The following DNAH8 variants were observed in gnomAD, a reference collection of about 807,000 sequenced individuals.
DNAH8 encodes the protein dynein axonemal heavy chain 8, also known as axonemal beta dynein heavy chain 8.
DNAH8 carries 382 observed loss-of-function variants against 562.1 expected under a neutral mutation model. That is an observed-to-expected ratio of 0.68 (90% CI 0.63 to 0.74). The LOEUF is 0.74. Ranked by LOEUF, DNAH8 falls within the 30% of genes least tolerant of loss-of-function variation. The pLI, the probability that DNAH8 is intolerant of heterozygous loss-of-function variation, is 0.00. For synonymous variants in DNAH8, 1,881 were observed against 1,919.4 expected (o/e 0.98, Z 0.52); for missense variants, 5,203 against 5,620.4 (o/e 0.93, Z 2.37).
chr6:38,798,377 T>G (rs893337391), intron 21 of DNAH8, among the ~76,000 whole-genome samples: 3 of 152,244 alleles, frequency 2.0e-5, no homozygotes, highest in Non-Finnish European at 2.9e-5. Flanking sequence ...AGGCACTTCT[T>G]TAGTATTCAG....
At position 38,722,929 on chromosome 6, in the gene DNAH8, G is replaced by C. The variant is rs1248099376; in HGVS notation, c.120G>C (p.Glu40Asp). 6.2e-7 allele frequency: 1 copy of C among 1,612,412 alleles called. No homozygotes were observed. Among genetic ancestry groups the C allele is most frequent in the East Asian group, 2.2e-5 (1 of 44,890 alleles). The change falls in exon 2 of 93, where the codon GAG (glutamate) becomes GAC (aspartate). Residue 40 changes from glutamate (E) to aspartate (D), a missense_variant. This residue lies in a region of DNAH8 where 556 missense variants were observed against 496.9 expected (regional missense o/e 1.12). Transcript: ENST00000327475. Reference protein sequence around the residue: ...EEEAPRPPTVEAPAEDGFSPS... With the variant: ...EEEAPRPPTVDAPAEDGFSPS... Reference sequence around the variant, plus strand: ...AGGCCCCGCGCCCTCCGACAGTGGAGGCCCCGGCAGAAGATGGTTTCTCTC... The same window carrying C: ...AGGCCCCGCGCCCTCCGACAGTGGACGCCCCGGCAGAAGATGGTTTCTCTC...
intron 53 of DNAH8, among the ~76,000 whole-genome samples, chr6:38,882,447 G>A (rs1778567874): frequency 6.6e-6 from 1 of 152,076 alleles, no homozygotes; most frequent in African/African-American, 2.4e-5. Context: ...ATCCTAAGCA[G>A]ACTAACTCAG....
In DNAH8 at chr6:38,957,087, G is replaced by C. The variant is rs192905064; in HGVS notation, c.12451+5567G>C. Among the ~76,000 whole-genome samples, 4 of 152,146 alleles carry C rather than the reference G, an allele frequency of 2.6e-5. No homozygotes were observed. In the East Asian group the frequency reaches 7.7e-4, roughly 29 times the overall value. ...TACACACAGACTGAAAATGAAGGATGGAAAAGATATTCTATGCAAATGGGC... is the reference window on the plus strand; with the variant it reads ...TACACACAGACTGAAAATGAAGGATCGAAAAGATATTCTATGCAAATGGGC... On this transcript the variant is annotated intron_variant, in intron 82 of 92. Coordinates refer to ENST00000327475, the MANE Select transcript of DNAH8 (RefSeq NM_001206927.2).
chr6:38,866,848 A>G lies in DNAH8; in HGVS notation c.6665A>G (p.Lys2222Arg). ...GCTCAAAAATTTTACGTTCTTTACA[A>G]ACTCTGTGAAGAGCAACTTACTAAA... ...ILAQKFYVLYKLCEEQLTKQV... is the reference protein window; with the variant it reads ...ILAQKFYVLYRLCEEQLTKQV... Residue 2222 changes from lysine (K) to arginine (R), a missense_variant, in exon 47 of 93, where the codon AAA (lysine) becomes AGA (arginine). By Grantham distance (26) the Lys-to-Arg change is conservative. Coordinates refer to ENST00000327475, the MANE Select transcript of DNAH8 (RefSeq NM_001206927.2). 6.2e-7 allele frequency: 1 copy of G among 1,610,278 alleles called. No homozygotes were observed. The highest frequency in any genetic ancestry group is 8.5e-7 in the Non-Finnish European group (1 of 1,177,046).
At position 38,727,153 on chromosome 6, in the gene DNAH8, G is replaced by C. The variant is rs182931717; in HGVS notation, c.526-2749G>C. Among the ~76,000 whole-genome samples, 9 of 152,150 alleles carry C rather than the reference G, an allele frequency of 5.9e-5. No homozygotes were observed. The East Asian group carries it at 1.7e-3, about 29-fold the overall frequency. On this transcript the variant is annotated intron_variant, in intron 3 of 92. Transcript: ENST00000327475. ...GATTACAGGTGTGGGCCACCGTGCT[G>C]GGCCTGGAAAAGTATTCTTTTAATG...
At chr6:38,947,461 A>G (rs921858135) in intron 80 of DNAH8, among the ~76,000 whole-genome samples, 1 of 152,356 alleles carries the variant, frequency 6.6e-6, no homozygotes. Context: ...GCTGGAAGTC[A>G]TCTTATCACC....
chr6:38,909,449 G>A (rs536109922), intron 64 of DNAH8, 69 bp from the exon 65 acceptor site: 66 of 1,443,250 alleles, frequency 4.6e-5, no homozygotes, highest in Non-Finnish European at 5.6e-5. Context: ...GTCAGATTGC[G>A]TAAATCTCTC....
intron 26 of DNAH8, among the ~76,000 whole-genome samples, chr6:38,818,415 A>C (rs540677904): frequency 8.1e-4 from 124 of 152,160 alleles, no homozygotes; most frequent in South Asian, 3.5e-3. Context: ...TTATCAACCA[A>C]GTACGATGTA....
chr6:38,792,928 A>G (rs947047236), intron 21 of DNAH8, among the ~76,000 whole-genome samples: 1 of 151,946 alleles, frequency 6.6e-6, no homozygotes, highest in Non-Finnish European at 1.5e-5. Flanking sequence ...ACAGGTGCAT[A>G]CCACCACAAC....
chr6:38,770,696 A>G, intron 12 of DNAH8, 137 bp downstream of exon 12: 1 of 765,402 alleles, frequency 1.3e-6, no homozygotes, highest in Non-Finnish European at 1.9e-6. Flanking sequence ...TATTACTTAT[A>G]GGTCACTGCA....
chr6:38,715,954 A>ATTTTTTTTTTTTTTTT (rs1410399802), intron 1 of DNAH8, among the ~76,000 whole-genome samples: 1 of 37,526 alleles, frequency 2.7e-5, no homozygotes, highest in African/African-American at 1.7e-4. Flanking sequence ...ATATATATAT[A>ATTTTTTTTTTTTTTTT]TATATATTTT....
At chr6:38,887,095 A>C in intron 57 of DNAH8, 91 bp downstream of exon 57, 1 of 914,654 alleles carries the variant, frequency 1.1e-6, no homozygotes, top group Non-Finnish European at 1.7e-6. Context: ...GGCTCTGTCT[A>C]AAGTGGGGTT....
At chr6:38,982,545 G>A in intron 86 of DNAH8, 83 bp downstream of exon 86, 5 of 805,570 alleles carry the variant, frequency 6.2e-6, no homozygotes, top group Non-Finnish European at 1.0e-5. Context: ...CTATGATAAG[G>A]TGTGAATTTG....
intron 1 of DNAH8, among the ~76,000 whole-genome samples, chr6:38,717,882 CA>C (rs989025291): frequency 2.8e-4 from 43 of 151,848 alleles, no homozygotes; most frequent in Admixed American, 7.9e-4. Flanking sequence ...TGCTGAGAAA[CA>C]AAAAAATGCT....
chr6:38,962,500 T>A (rs1185125418), intron 82 of DNAH8, among the ~76,000 whole-genome samples: 1 of 152,138 alleles, frequency 6.6e-6, no homozygotes, highest in Non-Finnish European at 1.5e-5. Flanking sequence ...TAGCTTAATA[T>A]GTGATAAGAT....
chr6:38,722,424 C>CA (rs1562541308), intron 1 of DNAH8, among the ~76,000 whole-genome samples: 1 of 148,408 alleles, frequency 6.7e-6, no homozygotes, highest in African/African-American at 2.5e-5. Flanking sequence ...TGGCTCTCAT[C>CA]TTTTTTTTTT....
chr6:38,886,146 A>G (rs1016285607), intron 56 of DNAH8, among the ~76,000 whole-genome samples: 1 of 152,178 alleles, frequency 6.6e-6, no homozygotes, highest in Non-Finnish European at 1.5e-5. Flanking sequence ...CATTTCCTGG[A>G]ACAATGAGAA....
chr6:38,972,359 G>A (rs1027011036), intron 83 of DNAH8, among the ~76,000 whole-genome samples: 60 of 152,100 alleles, frequency 3.9e-4, no homozygotes, highest in African/African-American at 1.4e-3. Context: ...GGGTTAATGG[G>A]CTAAAACTCT....
chr6:38,984,147 A>G (rs1764211208), intron 86 of DNAH8, 59 bp from the exon 87 acceptor site: 1 of 991,444 alleles, frequency 1.0e-6, no homozygotes, highest in African/African-American at 1.6e-5. Flanking sequence ...AAGACCCGAA[A>G]TGTTTATAAT....
Sources: gnomAD v4.1 joint callset for allele counts (sites outside exome capture counted in the v4.1 genomes callset) on GRCh38, gnomAD v4.1.1 for gene constraint, gnomAD v4.1.1 regional missense constraint, MANE v1.5 for transcripts, NCBI Gene and HGNC (gene_info 2026-07-23, HGNC 2026-07-21) for gene names.